The following MARCHF1 variants were observed in gnomAD, a reference collection of about 807,000 sequenced individuals.
The protein encoded by MARCHF1 is E3 ubiquitin-protein ligase MARCHF1.
Under a neutral mutation model 54.2 loss-of-function variants are expected in MARCHF1, and 40 were observed. The ratio of observed to expected loss-of-function variants is 0.74; its 90% CI spans 0.57 to 0.96. The LOEUF (loss-of-function observed/expected upper bound fraction) is 0.96. Ranked by LOEUF, MARCHF1 falls within the 40% of genes least tolerant of loss-of-function variation. The pLI, the probability that MARCHF1 is intolerant of heterozygous loss-of-function variation, is 0.00. For synonymous variants in MARCHF1, 236 were observed against 236.3 expected (o/e 1.00, Z 0.01); for missense variants, 586 against 656.5 (o/e 0.89, Z 1.17).
intron 1 of MARCHF1, among the ~76,000 whole-genome samples, chr4:164,302,415 T>C (rs553562398): frequency 2.0e-5 from 3 of 152,170 alleles, no homozygotes; most frequent in Non-Finnish European, 4.4e-5. Flanking sequence ...TTTAAAAATC[T>C]TAAAACAAAT....
Position 163,526,986 on chromosome 4 carries a change from G to C in MARCHF1, c.*1762C>G, listed in dbSNP as rs1479658161. On this transcript the variant is annotated 3_prime_UTR_variant, in exon 10 of 10. Transcript: ENST00000514618. ...TTTTTTTCCCTTTTTCCTATGATCTGTGAAGAACAAGCACACTGATAATTA... is the reference window on the plus strand; with the variant it reads ...TTTTTTTCCCTTTTTCCTATGATCTCTGAAGAACAAGCACACTGATAATTA... 6.7e-6 allele frequency: 1 copy of C among 150,282 alleles called. No individual in the cohort carries two copies. The highest frequency in any genetic ancestry group is 1.5e-5 in the Non-Finnish European group (1 of 67,586). The allele number at this position is 150,282 out of a possible 1,614,324, so 9.3% of individuals were successfully genotyped here.
chr4:164,179,854 GAGA>G (rs1730787040), intron 1 of MARCHF1, among the ~76,000 whole-genome samples: 1 of 151,110 alleles, frequency 6.6e-6, no homozygotes, highest in Non-Finnish European at 1.5e-5. Context: ...GAAAAATACT[GAGA>G]AGAAAATTTT....
chr4:163,944,216 T>C lies in MARCHF1; in HGVS notation c.-39+44285A>G, dbSNP rs560493921. Among the ~76,000 whole-genome samples the C allele has an allele frequency of 3.4e-3, 506 of 150,194 alleles. 5 individuals carry two copies. The highest frequency in any genetic ancestry group is 0.011 in the African/African-American group (462 of 40,742). On this transcript the variant is annotated intron_variant, in intron 3 of 9. Coordinates refer to ENST00000514618, the MANE Select transcript of MARCHF1 (RefSeq NM_001394959.1). ...CCAGGATGGTCTCGATCTCCTGACC[T>C]CGTGATCCACCCGCCTCAGCCTCCC...
chr4:163,697,760 C>T (rs1176092160), intron 5 of MARCHF1, among the ~76,000 whole-genome samples: 1 of 152,002 alleles, frequency 6.6e-6, no homozygotes, highest in Non-Finnish European at 1.5e-5. Flanking sequence ...TGACATAAGA[C>T]AATTTATTAT....
intron 5 of MARCHF1, among the ~76,000 whole-genome samples, chr4:163,633,008 G>T (rs904116471): frequency 2.0e-5 from 3 of 152,052 alleles, no homozygotes; most frequent in Non-Finnish European, 4.4e-5. Context: ...ACACTGCAGG[G>T]TACTCCAACA....
intron 8 of MARCHF1, among the ~76,000 whole-genome samples, chr4:163,571,929 GA>G (rs1280813215): frequency 6.6e-6 from 1 of 151,982 alleles, no homozygotes; most frequent in African/African-American, 2.4e-5. Context: ...AACTTATAAG[GA>G]AAAAAGTAAG....
Position 163,958,379 on chromosome 4 carries a change from A to G in MARCHF1, c.-39+30122T>C, listed in dbSNP as rs149875246. Among the ~76,000 whole-genome samples the G allele has an allele frequency of 4.5e-3, 679 of 152,144 alleles. 3 individuals are homozygous for G. Among genetic ancestry groups the G allele is most frequent in the African/African-American group, 0.016 (648 of 41,538 alleles). On this transcript the variant is annotated intron_variant, in intron 3 of 9. Coordinates refer to ENST00000514618, the MANE Select transcript of MARCHF1 (RefSeq NM_001394959.1). Reference sequence around the variant, plus strand: ...CTGTTGTTACAAAGTTATGGACTTTATTCATTTCCCAATGGATATTCAGTG... The same window carrying G: ...CTGTTGTTACAAAGTTATGGACTTTGTTCATTTCCCAATGGATATTCAGTG...
At chr4:164,117,070 C>A (rs1381342164) in intron 1 of MARCHF1, among the ~76,000 whole-genome samples, 1 of 151,920 alleles carries the variant, frequency 6.6e-6, no homozygotes, top group East Asian at 1.9e-4. Flanking sequence ...CCAGCCTGGC[C>A]AACATGGTGA....
chr4:163,606,037 C>T (rs1741131765), intron 7 of MARCHF1, among the ~76,000 whole-genome samples: 1 of 151,980 alleles, frequency 6.6e-6, no homozygotes, highest in African/African-American at 2.4e-5. Flanking sequence ...CACATGCATC[C>T]CAGAACTTGA....
intron 7 of MARCHF1, among the ~76,000 whole-genome samples, chr4:163,611,846 G>A (rs3792613): frequency 0.072 from 10,891 of 152,052 alleles, 711 homozygotes; most frequent in East Asian, 0.19. Flanking sequence ...TGCAGAGAAT[G>A]TTATTTTCTG....
At chr4:163,879,429 T>A (rs936230160) in intron 3 of MARCHF1, among the ~76,000 whole-genome samples, 6 of 152,188 alleles carry the variant, frequency 3.9e-5, no homozygotes, top group East Asian at 1.9e-4. Context: ...CTTCATGGGA[T>A]AAAAAATAAA....
intron 4 of MARCHF1, among the ~76,000 whole-genome samples, chr4:163,787,128 G>T (rs1370262562): frequency 6.6e-6 from 1 of 151,192 alleles, no homozygotes; most frequent in African/African-American, 2.4e-5. Flanking sequence ...AAAACTTCTA[G>T]AATTAAAAAA....
intron 2 of MARCHF1, among the ~76,000 whole-genome samples, chr4:164,086,012 TA>T (rs1755186627): frequency 6.6e-6 from 1 of 151,646 alleles, no homozygotes; most frequent in South Asian, 2.1e-4. Context: ...AACATAACTA[TA>T]AAAAAGAAAA....
chr4:164,100,997 T>G (rs1755539159), intron 2 of MARCHF1, among the ~76,000 whole-genome samples: 1 of 152,226 alleles, frequency 6.6e-6, no homozygotes, highest in South Asian at 2.1e-4. Context: ...AAGAAAGGGG[T>G]GACGGACTGC....
chr4:163,976,514 CA>C (rs1354422035), intron 3 of MARCHF1, among the ~76,000 whole-genome samples: 1 of 152,108 alleles, frequency 6.6e-6, no homozygotes, highest in African/African-American at 2.4e-5. Flanking sequence ...CAACTTCCAT[CA>C]AAAAGTGGAA....
At chr4:163,655,739 A>C (rs1743115497) in intron 5 of MARCHF1, among the ~76,000 whole-genome samples, 1 of 152,008 alleles carries the variant, frequency 6.6e-6, no homozygotes. Flanking sequence ...ATTAGAACTC[A>C]AGATTAAGAA....
At chr4:163,896,078 C>T (rs1241647990) in intron 3 of MARCHF1, among the ~76,000 whole-genome samples, 1 of 152,146 alleles carries the variant, frequency 6.6e-6, no homozygotes, top group Non-Finnish European at 1.5e-5. Flanking sequence ...GTAACCATTT[C>T]CCTCTGATTA....
chr4:163,640,131 A>T (rs1171818382), intron 5 of MARCHF1, among the ~76,000 whole-genome samples: 1 of 152,140 alleles, frequency 6.6e-6, no homozygotes, highest in East Asian at 1.9e-4. Flanking sequence ...ATTACACATT[A>T]AAAAGCAGCT....
intron 5 of MARCHF1, among the ~76,000 whole-genome samples, chr4:163,613,832 A>G (rs532644091): frequency 6.6e-6 from 1 of 152,170 alleles, no homozygotes; most frequent in African/African-American, 2.4e-5. Flanking sequence ...TGAAGCTAAC[A>G]TCAAGGCCCC....
Sources: allele counts gnomAD v4.1 joint callset (sites outside exome capture counted in the v4.1 genomes callset), GRCh38; gene constraint gnomAD v4.1.1; transcripts MANE v1.5; gene names NCBI Gene and HGNC (gene_info 2026-07-23, HGNC 2026-07-21).